METTL25: variants seen among roughly 807,000 people sequenced by gnomAD.
The protein encoded by METTL25 is probable methyltransferase-like protein 25.
Under a neutral mutation model 71.6 loss-of-function variants are expected in METTL25, and 64 were observed. The ratio of observed to expected loss-of-function variants is 0.89; its 90% CI spans 0.73 to 1.10. METTL25 has a LOEUF of 1.10. Among genes scored for constraint, METTL25 ranks in the 50% least tolerant of loss-of-function variants. The probability of loss-of-function intolerance (pLI) is 0.00; values close to 1 mark genes in which losing one functional copy is unlikely to be tolerated. For missense variants in METTL25, 807 were observed against 707.0 expected (o/e 1.14, Z -1.60); for synonymous variants, 287 against 250.3 (o/e 1.15, Z -1.38).
intron 10 of METTL25, among the ~76,000 whole-genome samples, chr12:82,477,000 T>G (rs1197018163): frequency 1.3e-5 from 2 of 151,856 alleles, no homozygotes; most frequent in Admixed American, 6.6e-5. Context: ...AGCATTCCTT[T>G]TAATGAACTT....
At chr12:82,373,133 C>T (rs781161972) in intron 1 of METTL25, among the ~76,000 whole-genome samples, 8 of 152,102 alleles carry the variant, frequency 5.3e-5, no homozygotes, top group Admixed American at 2.0e-4. Flanking sequence ...GAGTCCTAAG[C>T]GTTCTCCTGT....
chr12:82,427,331 C>A (rs1889111614), intron 5 of METTL25, among the ~76,000 whole-genome samples: 1 of 152,026 alleles, frequency 6.6e-6, no homozygotes, highest in South Asian at 2.1e-4. Context: ...ATAGCGACAA[C>A]AATTATTTAG....
chr12:82,438,165 A>G (rs1191683239), intron 7 of METTL25, among the ~76,000 whole-genome samples: 2 of 151,642 alleles, frequency 1.3e-5, no homozygotes, highest in African/African-American at 4.8e-5. Context: ...CAAGAGTGCA[A>G]TCTCTTATCC....
intron 5 of METTL25, among the ~76,000 whole-genome samples, chr12:82,418,443 G>A (rs959076367): frequency 5.3e-5 from 8 of 152,022 alleles, no homozygotes; most frequent in African/African-American, 1.7e-4. Context: ...GCCACCTCCC[G>A]TTGCTATTTC....
At position 82,387,717 on chromosome 12, in the gene METTL25, A is replaced by G. The variant is rs76615625; in HGVS notation, c.424+750A>G. Among the ~76,000 whole-genome samples, 408 of 145,756 alleles carry G rather than the reference A, an allele frequency of 2.8e-3. 2 individuals are homozygous for G. The highest frequency in any genetic ancestry group is 4.8e-3 in the Non-Finnish European group (309 of 64,332). On this transcript the variant is annotated intron_variant, in intron 2 of 11. Transcript: ENST00000248306. The stretch of plus-strand genomic sequence containing the variant: ...AGTTCTCTTCTACACACACACGCGC[A>G]CACACACACACACACTCTTTTTCTG...
At chr12:82,426,449 G>A (rs1889020419) in intron 5 of METTL25, among the ~76,000 whole-genome samples, 1 of 151,936 alleles carries the variant, frequency 6.6e-6, no homozygotes, top group South Asian at 2.1e-4. Flanking sequence ...TAGGTGTTTT[G>A]GATAGGAATT....
chr12:82,381,538 C>G (rs187387656), intron 1 of METTL25, among the ~76,000 whole-genome samples: 1 of 152,212 alleles, frequency 6.6e-6, no homozygotes, highest in Non-Finnish European at 1.5e-5. Context: ...TTTTCTAGCA[C>G]ATAATTGGAT....
intron 8 of METTL25, chr12:82,439,842 T>A: frequency 4.2e-6 from 4 of 946,532 alleles, no homozygotes; most frequent in Non-Finnish European, 5.0e-6. Context: ...CTGCCTTCTT[T>A]AAAGACCTCA....
chr12:82,428,179 A>G (rs1381823188), intron 5 of METTL25, among the ~76,000 whole-genome samples: 1 of 151,924 alleles, frequency 6.6e-6, no homozygotes, highest in Non-Finnish European at 1.5e-5. Context: ...GAATTTGCAC[A>G]TATAATTTCT....
chr12:82,370,282 C>T lies in METTL25; in HGVS notation c.259+11458C>T, dbSNP rs113490151. ...AAGACCATCTGTAACTTGATGGCCT[C>T]GATCCTAGAGGAAACAGATTTGACA... On this transcript the variant is annotated intron_variant, in intron 1 of 11. Coordinates refer to ENST00000248306, the MANE Select transcript of METTL25 (RefSeq NM_032230.3). 2.7e-3 allele frequency among the ~76,000 whole-genome samples: 415 copies of T among 151,358 alleles called. 3 individuals are homozygous for T. Among genetic ancestry groups the T allele is most frequent in the African/African-American group, 9.4e-3 (389 of 41,214 alleles).
intron 1 of METTL25, among the ~76,000 whole-genome samples, chr12:82,373,685 T>C (rs980360286): frequency 6.6e-5 from 10 of 152,154 alleles, no homozygotes; most frequent in African/African-American, 2.4e-4. Context: ...ACCAACTTGT[T>C]TGTGGGACCC....
chr12:82,387,083 A>T, intron 2 of METTL25, 116 bp downstream of exon 2: 1 of 793,464 alleles, frequency 1.3e-6, no homozygotes, highest in Admixed American at 2.8e-5. Flanking sequence ...CTTAATATAT[A>T]AGCCCTGACA....
chr12:82,446,648 G>A (rs1330419148), intron 8 of METTL25, among the ~76,000 whole-genome samples: 1 of 142,658 alleles, frequency 7.0e-6, no homozygotes, highest in Non-Finnish European at 1.5e-5. Context: ...ACAGAGTCTC[G>A]CTCTGTCGCC....
chr12:82,441,054 G>T (rs1890283404), intron 8 of METTL25, among the ~76,000 whole-genome samples: 1 of 152,014 alleles, frequency 6.6e-6, no homozygotes, highest in Non-Finnish European at 1.5e-5. Context: ...ATGGTCTGGT[G>T]AGGACTTGGG....
intron 5 of METTL25, among the ~76,000 whole-genome samples, chr12:82,429,220 G>T (rs1053475111): frequency 2.6e-5 from 4 of 151,512 alleles, no homozygotes; most frequent in African/African-American, 7.3e-5. Context: ...ACCCCTCCCA[G>T]CCTCAAGTAA....
At chr12:82,369,312 G>A (rs1175067347) in intron 1 of METTL25, 1 of 289,234 alleles carries the variant, frequency 3.5e-6, no homozygotes. Context: ...GTGTCCTGGT[G>A]TGTAGGATAT....
At chr12:82,365,060 G>T (rs1882407164) in intron 1 of METTL25, among the ~76,000 whole-genome samples, 1 of 151,932 alleles carries the variant, frequency 6.6e-6, no homozygotes, top group Non-Finnish European at 1.5e-5. Flanking sequence ...TATGTTTATT[G>T]TGTACATCAT....
intron 9 of METTL25, 124 bp downstream of exon 9, chr12:82,456,944 T>C (rs1891536513): frequency 4.7e-6 from 2 of 421,158 alleles, no homozygotes; most frequent in Non-Finnish European, 8.2e-6. Flanking sequence ...GTCCAAATTA[T>C]ATTGAAACAA....
chr12:82,390,474 T>C (rs1885468946), intron 3 of METTL25, among the ~76,000 whole-genome samples: 2 of 152,150 alleles, frequency 1.3e-5, no homozygotes, highest in Admixed American at 1.3e-4. Context: ...ATTGTACACA[T>C]TGGCCTATAA....
Sources: allele counts gnomAD v4.1 joint callset (sites outside exome capture counted in the v4.1 genomes callset), GRCh38; gene constraint gnomAD v4.1.1; transcripts MANE v1.5; gene names NCBI Gene and HGNC (gene_info 2026-07-23, HGNC 2026-07-21).